The following TK2 variants were observed in gnomAD, a reference collection of about 807,000 sequenced individuals.
The protein encoded by TK2 is thymidine kinase 2, also known as thymidine kinase 2, mitochondrial.
In TK2, 35 loss-of-function variants were observed where a neutral mutation model predicts 41.9. The observed-to-expected ratio is 0.84, with a 90% confidence interval of 0.64 to 1.11. TK2 has a LOEUF of 1.11. Ranked by LOEUF, TK2 falls within the 50% of genes least tolerant of loss-of-function variation. TK2 has a pLI of 0.00. For missense variants in TK2, 320 were observed against 351.1 expected (o/e 0.91, Z 0.71); for synonymous variants, 128 against 129.1 (o/e 0.99, Z 0.06).
rs1196643318 is a variant in TK2 at position 66,549,138 on chromosome 16, G to A, written c.125-129C>T. The A allele has an allele frequency of 8.5e-6, 13 of 1,530,882 alleles. No individual in the cohort carries two copies. In the Admixed American group the frequency reaches 2.5e-4, roughly 29 times the overall value. The allele number at this position is 1,530,882 out of a possible 1,614,324, so 94.8% of individuals were successfully genotyped here. A position where few individuals can be genotyped will look rare whatever the true frequency, so the allele number is the denominator to read the frequency against. On this transcript the variant is annotated intron_variant, in intron 1 of 9. Transcript: ENST00000544898. ...CTGGCCTAAAAACATTTTCCATTTT[G>A]GGCGCCCTCCGAGATTGGAGGCGCG...
rs1965414140 is a variant in TK2, at chr16:66,540,163, T to TTTC, written c.231+1713_231+1715dup. 3.4e-5 allele frequency among the ~76,000 whole-genome samples: 5 copies of TTTC among 146,312 alleles called. No individual in the cohort carries two copies. In the South Asian group the frequency reaches 1.1e-3, roughly 33 times the overall value. On this transcript the variant is annotated intron_variant, in intron 3 of 9. Coordinates refer to ENST00000544898, the MANE Select transcript of TK2 (RefSeq NM_004614.5). ...AAACTATATATATTTCTTTTCTTTC[T>TTTC]TTCTTTTTTCTTTTTTTTTTTTTTT...
At position 66,517,054 on chromosome 16, in the gene TK2, G is replaced by A. The variant is rs908750688; in HGVS notation, c.618+82C>T. The A allele has an allele frequency of 9.5e-6, 11 of 1,163,566 alleles. No individual in the cohort carries two copies. In the East Asian group the frequency reaches 1.9e-4, roughly 20 times the overall value. 72.1% of individuals were successfully genotyped at this position (1,163,566 alleles called of 1,614,324 possible). ...CAAACAAGGGCACAATGATCTCATG[G>A]GGGTGGGGCCGGGAGAGGAAGCCGG... On this transcript the variant is annotated intron_variant, in intron 8 of 9. Transcript: ENST00000544898. This position sits in a 1 kb window ranked among gnomAD's most constrained non-coding sequence, Gnocchi z 4.3.
intron 3 of TK2, among the ~76,000 whole-genome samples, chr16:66,541,674 C>A (rs1052457285): frequency 3.3e-5 from 5 of 152,084 alleles, no homozygotes; most frequent in Admixed American, 2.6e-4. Flanking sequence ...GCTTCCGCCT[C>A]CCAAAGTGCT....
intron 2 of TK2, chr16:66,548,047 A>G: frequency 1.2e-6 from 1 of 829,098 alleles, no homozygotes. Context: ...AGCCTGGGCA[A>G]CACAGCAAGA....
intron 6 of TK2, among the ~76,000 whole-genome samples, chr16:66,526,247 G>T (rs991075793): frequency 7.2e-5 from 11 of 152,222 alleles, no homozygotes; most frequent in African/African-American, 2.7e-4. Flanking sequence ...AGACACGAAG[G>T]AGGTGGCAGG....
rs775590447 is a variant in TK2 at position 66,511,524 on chromosome 16, C to G, written c.*444G>C. On this transcript the variant is annotated 3_prime_UTR_variant, in exon 10 of 10. Transcript: ENST00000544898. The stretch of plus-strand genomic sequence containing the variant: ...TGAATGGTGCCAGCTCCACTGCACA[C>G]AGGCTGTGTGACCTCTGGGGAGCCC... The G allele has an allele frequency of 9.9e-6, 3 of 302,992 alleles. No homozygotes were observed. Among genetic ancestry groups the G allele is most frequent in the Admixed American group, 4.7e-5 (1 of 21,356 alleles). The allele number at this position is 302,992 out of a possible 1,614,324, so 18.8% of individuals were successfully genotyped here. A position where few individuals can be genotyped will look rare whatever the true frequency, so the allele number is the denominator to read the frequency against.
chr16:66,513,897 G>T, intron 8 of TK2, 86 bp from the exon 9 acceptor site: 1 of 1,172,128 alleles, frequency 8.5e-7, no homozygotes, highest in Non-Finnish European at 1.3e-6. Flanking sequence ...GGTCAAAGTA[G>T]TCAATGACCA....
intron 3 of TK2, among the ~76,000 whole-genome samples, chr16:66,537,594 C>T (rs1206592181): frequency 6.6e-6 from 1 of 152,358 alleles, no homozygotes; most frequent in East Asian, 1.9e-4. Context: ...GCCAATCTCT[C>T]CAACATCCTG....
At chr16:66,539,706 G>A (rs1037920351) in intron 3 of TK2, among the ~76,000 whole-genome samples, 1 of 151,998 alleles carries the variant, frequency 6.6e-6, no homozygotes, top group Non-Finnish European at 1.5e-5. Context: ...GCTTCCAAGG[G>A]TCCTCTCATA....
In TK2 at chr16:66,511,890, G is replaced by C; in HGVS notation, c.*78C>G. 3 of 1,369,088 alleles carry C rather than the reference G, an allele frequency of 2.2e-6. No homozygotes were observed. Among genetic ancestry groups the C allele is most frequent in the Non-Finnish European group, 3.1e-6 (3 of 959,790 alleles). 84.8% of individuals were successfully genotyped at this position (1,369,088 alleles called of 1,614,324 possible). On this transcript the variant is annotated 3_prime_UTR_variant, in exon 10 of 10. Transcript: ENST00000544898. ...AGACACAAAGCCCTCCTGGGAGCAA[G>C]TTTTTCCAGATTGCTCCCAATAGCT...
rs1053360406 is a variant in TK2, at chr16:66,511,948, A to C, written c.*20T>G. The C allele has an allele frequency of 6.2e-7, 1 of 1,609,876 alleles. No homozygotes were observed. Reference sequence around the variant, plus strand: ...CAGCAGCAGGCATTTTTCAGACATGAGCCATAGACCTTTTGCCTCCTATGG... The same window carrying C: ...CAGCAGCAGGCATTTTTCAGACATGCGCCATAGACCTTTTGCCTCCTATGG... On this transcript the variant is annotated 3_prime_UTR_variant, in exon 10 of 10. Coordinates refer to ENST00000544898, the MANE Select transcript of TK2 (RefSeq NM_004614.5).
intron 5 of TK2, among the ~76,000 whole-genome samples, chr16:66,529,617 T>A (rs1965045941): frequency 6.6e-6 from 1 of 152,172 alleles, no homozygotes. Flanking sequence ...TCTGCCAGGA[T>A]GCTCAAACCC....
intron 6 of TK2, among the ~76,000 whole-genome samples, chr16:66,527,928 A>C (rs1964984483): frequency 6.6e-6 from 1 of 152,160 alleles, no homozygotes; most frequent in South Asian, 2.1e-4. Flanking sequence ...GCTACTCGGG[A>C]GGCTGAGGCA....
Position 66,514,459 on chromosome 16 carries a change from C to T in TK2, c.619-648G>A, listed in dbSNP as rs1267117903. On this transcript the variant is annotated intron_variant, in intron 8 of 9. Transcript: ENST00000544898. This position sits in a 1 kb window ranked among gnomAD's most constrained non-coding sequence, Gnocchi z 4.2. ...AGGCTGGAGTGCAGTGGCGTGATCT[C>T]GGCTCGCTACAACCTCCACCTCCCA... 2.6e-5 allele frequency among the ~76,000 whole-genome samples: 4 copies of T among 152,198 alleles called. No individual in the cohort carries two copies. Among genetic ancestry groups the T allele is most frequent in the Non-Finnish European group, 2.9e-5 (2 of 68,042 alleles).
intron 6 of TK2, among the ~76,000 whole-genome samples, chr16:66,520,681 G>T (rs1420089655): frequency 1.3e-5 from 2 of 152,164 alleles, no homozygotes; most frequent in Non-Finnish European, 2.9e-5. Flanking sequence ...ACACGAACAG[G>T]ATGCACAGTA....
rs531443847 is a variant in TK2, at chr16:66,531,396, C to T, written c.359G>A (p.Arg120Lys). 1.2e-6 allele frequency: 2 copies of T among 1,614,048 alleles called. No homozygotes were observed. The highest frequency in any genetic ancestry group is 1.1e-5 in the South Asian group (1 of 91,082). ...GAAACCTACCTGAGGACGAGTATGCCTGTCCAGCATGGTGAGCTGCACATA... is the reference window on the plus strand; with the variant it reads ...GAAACCTACCTGAGGACGAGTATGCTTGTCCAGCATGGTGAGCTGCACATA... ...QTYVQLTMLD[R>K]HTRPQVSSVR... The change falls in exon 5 of 10, where the codon AGG becomes AAG. Residue 120 changes from arginine (R) to lysine (K), a missense_variant. Transcript: ENST00000544898.
intron 1 of TK2, chr16:66,549,634 G>A (rs1005485207): frequency 8.5e-7 from 1 of 1,178,942 alleles, no homozygotes. Context: ...CCCCAAGGTC[G>A]AAAGAATCGG....
Position 66,517,411 on chromosome 16 carries a change from G to A in TK2, c.539-196C>T. The A allele has an allele frequency of 3.0e-6, 2 of 659,090 alleles. No homozygotes were observed. Among genetic ancestry groups the A allele is most frequent in the Non-Finnish European group, 5.5e-6 (2 of 365,266 alleles). 40.8% of individuals were successfully genotyped at this position (659,090 alleles called of 1,614,324 possible). ...GTCAGCGGCCCCGTGGGGTCGTTTT[G>A]AGGCTGAATGGGATTCTGTTCATAG... On this transcript the variant is annotated intron_variant, in intron 7 of 9. Coordinates refer to ENST00000544898, the MANE Select transcript of TK2 (RefSeq NM_004614.5). The surrounding 1 kb of genome is among the most constrained non-coding windows in gnomAD (Gnocchi z 4.3).
intron 4 of TK2, among the ~76,000 whole-genome samples, chr16:66,533,198 T>C (rs1367750060): frequency 6.6e-6 from 1 of 150,902 alleles, no homozygotes; most frequent in African/African-American, 2.4e-5. Context: ...GCCTCCCAAG[T>C]AGCTAGGATC....
Sources: gnomAD v4.1 joint callset for allele counts (sites outside exome capture counted in the v4.1 genomes callset) on GRCh38, gnomAD v4.1.1 for gene constraint, Gnocchi (gnomAD v3.1) non-coding constraint, MANE v1.5 for transcripts, NCBI Gene and HGNC (gene_info 2026-07-23, HGNC 2026-07-21) for gene names.